The following ZBTB20 variants were observed in gnomAD, a reference collection of about 807,000 sequenced individuals.
ZBTB20 encodes zinc finger and BTB domain-containing protein 20.
In ZBTB20, 9 loss-of-function variants were observed where a neutral mutation model predicts 56.9. The ratio of observed to expected loss-of-function variants is 0.16; its 90% CI spans 0.10 to 0.28. The LOEUF (loss-of-function observed/expected upper bound fraction) is 0.28. Among genes scored for constraint, ZBTB20 ranks in the 10% least tolerant of loss-of-function variants. The pLI is 1.00. For synonymous variants in ZBTB20, 417 were observed against 420.7 expected (o/e 0.99, Z 0.11); for missense variants, 655 against 1,003.0 (o/e 0.65, Z 4.69).
intron 3 of ZBTB20, among the ~76,000 whole-genome samples, chr3:114,957,426 G>T (rs1194863688): frequency 1.3e-5 from 2 of 152,096 alleles, no homozygotes; most frequent in Non-Finnish European, 2.9e-5. Flanking sequence ...ATGAAATTTT[G>T]TTTTAATTAT....
chr3:115,113,709 C>G (rs2083942960), intron 1 of ZBTB20, among the ~76,000 whole-genome samples: 1 of 152,184 alleles, frequency 6.6e-6, no homozygotes, highest in African/African-American at 2.4e-5. Flanking sequence ...GTGCGGACAC[C>G]TGGCTTCCTA....
chr3:114,702,945 C>T (rs1012637993), intron 5 of ZBTB20, among the ~76,000 whole-genome samples: 1 of 151,194 alleles, frequency 6.6e-6, no homozygotes, highest in African/African-American at 2.4e-5. Flanking sequence ...GAAAAGTATA[C>T]TCCATTTTAT....
At chr3:114,751,976 G>A (rs2067599076) in intron 5 of ZBTB20, among the ~76,000 whole-genome samples, 1 of 151,868 alleles carries the variant, frequency 6.6e-6, no homozygotes, top group Non-Finnish European at 1.5e-5. Flanking sequence ...AAGTTTCTCT[G>A]GTAATAAAAA....
At chr3:114,342,615 C>T (rs1305676409) in intron 11 of ZBTB20, among the ~76,000 whole-genome samples, 1 of 152,134 alleles carries the variant, frequency 6.6e-6, no homozygotes, top group Admixed American at 6.5e-5. Context: ...ATAGTAAGTA[C>T]CTGTCTCGTG....
intron 2 of ZBTB20, among the ~76,000 whole-genome samples, chr3:114,980,016 A>T (rs772424873): frequency 2.6e-5 from 4 of 152,068 alleles, no homozygotes; most frequent in Non-Finnish European, 5.9e-5. Context: ...ACTTGCTCTT[A>T]GGTATTTCAG....
chr3:114,726,643 T>C (rs148389311), intron 5 of ZBTB20, among the ~76,000 whole-genome samples: 1,940 of 152,228 alleles, frequency 0.013, 41 homozygotes, highest in African/African-American at 0.044. Flanking sequence ...CCGGGCGCGG[T>C]GGCTCATGCC....
chr3:115,080,495 TAGA>T (rs2108538765), intron 1 of ZBTB20, among the ~76,000 whole-genome samples: 1 of 152,232 alleles, frequency 6.6e-6, no homozygotes, highest in African/African-American at 2.4e-5. Context: ...CTAGAAAATA[TAGA>T]AGAAAAGAGC....
intron 4 of ZBTB20, among the ~76,000 whole-genome samples, chr3:114,864,957 T>C (rs1396640380): frequency 6.6e-6 from 1 of 152,110 alleles, no homozygotes; most frequent in East Asian, 1.9e-4. Context: ...TAAAATTTTT[T>C]TGGAAGGAAG....
At chr3:114,540,561 C>T (rs2048997677) in intron 6 of ZBTB20, among the ~76,000 whole-genome samples, 1 of 152,124 alleles carries the variant, frequency 6.6e-6, no homozygotes, top group Non-Finnish European at 1.5e-5. Flanking sequence ...CCCTTATCCC[C>T]AGTGCAGGCT....
intron 4 of ZBTB20, among the ~76,000 whole-genome samples, chr3:114,897,814 C>A (rs187886461): frequency 3.3e-5 from 5 of 152,170 alleles, no homozygotes; most frequent in Non-Finnish European, 1.5e-5. Context: ...GTGTCATAAA[C>A]CAGTGGTACT....
intron 6 of ZBTB20, among the ~76,000 whole-genome samples, chr3:114,601,922 T>C (rs2056788705): frequency 6.6e-6 from 1 of 151,960 alleles, no homozygotes; most frequent in East Asian, 1.9e-4. Flanking sequence ...CTGTCAATAA[T>C]CTAGGTTTGA....
chr3:114,647,238 G>T (rs1165706666), intron 6 of ZBTB20, among the ~76,000 whole-genome samples: 1 of 152,136 alleles, frequency 6.6e-6, no homozygotes, highest in Non-Finnish European at 1.5e-5. Context: ...GATTACAGGC[G>T]TGAGCCACCA....
chr3:114,937,411 G>GTCT (rs753472657), intron 3 of ZBTB20, among the ~76,000 whole-genome samples: 11 of 151,328 alleles, frequency 7.3e-5, no homozygotes, highest in African/African-American at 1.7e-4. Context: ...TGACATAAAT[G>GTCT]TCTTCTTCTT....
At chr3:114,530,751 C>T (rs1169199095) in intron 6 of ZBTB20, among the ~76,000 whole-genome samples, 1 of 152,144 alleles carries the variant, frequency 6.6e-6, no homozygotes, top group Non-Finnish European at 1.5e-5. Flanking sequence ...AGTGTCATGG[C>T]TGACCTCTTT....
chr3:114,516,656 G>C lies in ZBTB20; in HGVS notation c.-294-16265C>G, dbSNP rs911728180. Among the ~76,000 whole-genome samples the C allele has an allele frequency of 2.0e-5, 3 of 152,318 alleles. No individual in the cohort carries two copies. The Middle Eastern group carries it at 0.01, about 518-fold the overall frequency. On this transcript the variant is annotated intron_variant, in intron 6 of 11. Transcript: ENST00000675478. ...GTGATTAAGATGAGGTCATGCTGTA[G>C]AGTGGGCCTGCAATCCAATATGACT...
chr3:115,032,880 A>T (rs2080751430), intron 2 of ZBTB20, among the ~76,000 whole-genome samples: 1 of 150,898 alleles, frequency 6.6e-6, no homozygotes, highest in Non-Finnish European at 1.5e-5. Context: ...GCTAAGGGGA[A>T]AGTTTATAAT....
At chr3:114,660,360 T>C (rs866978924) in intron 6 of ZBTB20, among the ~76,000 whole-genome samples, 1 of 152,158 alleles carries the variant, frequency 6.6e-6, no homozygotes, top group South Asian at 2.1e-4. Context: ...TCGAATGGGA[T>C]GCCTGCCCAG....
chr3:114,861,599 T>C (rs2075531681), intron 4 of ZBTB20, among the ~76,000 whole-genome samples: 1 of 152,090 alleles, frequency 6.6e-6, no homozygotes, highest in Admixed American at 6.6e-5. Context: ...CACAGCCTGT[T>C]GCTGTGGGGC....
chr3:115,133,073 T>G (rs2084553779), intron 1 of ZBTB20, among the ~76,000 whole-genome samples: 1 of 152,144 alleles, frequency 6.6e-6, no homozygotes, highest in Admixed American at 6.5e-5. Context: ...TATGGAATAT[T>G]TTGATATTTT....
Sources: allele counts gnomAD v4.1 joint callset (sites outside exome capture counted in the v4.1 genomes callset), GRCh38; gene constraint gnomAD v4.1.1; transcripts MANE v1.5; gene names NCBI Gene and HGNC (gene_info 2026-07-23, HGNC 2026-07-21).